GARRE1: variants seen among roughly 807,000 people sequenced by gnomAD.
GARRE1 encodes granule associated Rac and RHOG effector protein 1.
GARRE1 carries 49 observed loss-of-function variants against 103.2 expected under a neutral mutation model. The observed-to-expected ratio is 0.47, with a 90% CI of 0.38 to 0.60. GARRE1 has a LOEUF of 0.60. Ranked by LOEUF, GARRE1 falls within the 20% of genes least tolerant of loss-of-function variation. The probability of loss-of-function intolerance (pLI) is 0.00; values close to 1 mark genes in which losing one functional copy is unlikely to be tolerated. For synonymous variants in GARRE1, 505 were observed against 532.8 expected (o/e 0.95, Z 0.72); for missense variants, 1,199 against 1,370.5 (o/e 0.87, Z 1.98).
chr19:34,259,590 T>C (rs946511984), intron 1 of GARRE1, among the ~76,000 whole-genome samples: 1 of 152,176 alleles, frequency 6.6e-6, no homozygotes, highest in African/African-American at 2.4e-5. Context: ...TTCAGAGATC[T>C]TGCGTGTCTT....
intron 2 of GARRE1, among the ~76,000 whole-genome samples, chr19:34,301,844 G>A (rs1333510576): frequency 2.0e-5 from 3 of 151,280 alleles, no homozygotes; most frequent in Non-Finnish European, 2.9e-5. Flanking sequence ...CACCTCACCC[G>A]GCTAATTTTT....
At position 34,300,525 on chromosome 19, in the gene GARRE1, C is replaced by G; in HGVS notation, c.52C>G (p.Leu18Val). ...TAAAATGGACTACAAGCGGCGCTTC[C>G]TGCTTGGCGGGTCCAAGCAGAAGGT... is the stretch of plus-strand genomic sequence containing the variant. The part of the protein sequence containing the change: ...DSKMDYKRRF[L>V]LGGSKQKVQQ... The change falls in exon 2 of 14, where the codon CTG becomes GTG. Residue 18 changes from leucine (L) to valine (V), a missense_variant. By Grantham distance (32) the Leu-to-Val change is conservative (BLOSUM62 1). Coordinates refer to ENST00000299505, the MANE Select transcript of GARRE1 (RefSeq NM_014686.5). The G allele has an allele frequency of 6.2e-7, 1 of 1,613,190 alleles. No homozygotes were observed. Among genetic ancestry groups the G allele is most frequent in the Non-Finnish European group, 8.5e-7 (1 of 1,179,610 alleles).
intron 2 of GARRE1, among the ~76,000 whole-genome samples, chr19:34,305,858 C>T (rs2074005222): frequency 6.6e-6 from 1 of 152,148 alleles, no homozygotes; most frequent in South Asian, 2.1e-4. Flanking sequence ...TTTTTTTGTA[C>T]ATAATGGGCT....
chr19:34,282,483 G>C (rs185323281), intron 1 of GARRE1, among the ~76,000 whole-genome samples: 1 of 152,262 alleles, frequency 6.6e-6, no homozygotes, highest in African/African-American at 2.4e-5. Flanking sequence ...TTCCAACACT[G>C]TCTGAGGAAT....
At chr19:34,349,879 T>G (rs1599785150) in intron 12 of GARRE1, among the ~76,000 whole-genome samples, 1 of 149,736 alleles carries the variant, frequency 6.7e-6, no homozygotes, top group Admixed American at 6.7e-5. Flanking sequence ...AGTAGTGGGG[T>G]GGGGGGTGGC....
chr19:34,258,090 A>G (rs1030386053), intron 1 of GARRE1, among the ~76,000 whole-genome samples: 1 of 151,574 alleles, frequency 6.6e-6, no homozygotes, highest in Non-Finnish European at 1.5e-5. Flanking sequence ...GGGTTTCACC[A>G]TGTTGGCCAG....
chr19:34,317,154 C>G (rs2074063694), intron 2 of GARRE1, among the ~76,000 whole-genome samples: 1 of 152,226 alleles, frequency 6.6e-6, no homozygotes, highest in Admixed American at 6.5e-5. Context: ...CCTTGAGGAG[C>G]CTTTTCCTTC....
intron 3 of GARRE1, among the ~76,000 whole-genome samples, chr19:34,320,791 G>T (rs2074083786): frequency 6.6e-6 from 1 of 150,536 alleles, no homozygotes; most frequent in Non-Finnish European, 1.5e-5. Context: ...CTGCGATCAA[G>T]TCTCACTACA....
At chr19:34,286,414 T>A (rs1427834448) in intron 1 of GARRE1, among the ~76,000 whole-genome samples, 5 of 151,864 alleles carry the variant, frequency 3.3e-5, no homozygotes, top group Non-Finnish European at 7.4e-5. Context: ...AGAGACAGGG[T>A]TTCACCGTGT....
intron 1 of GARRE1, among the ~76,000 whole-genome samples, chr19:34,266,481 C>T (rs1187149951): frequency 6.6e-6 from 1 of 152,172 alleles, no homozygotes; most frequent in African/African-American, 2.4e-5. Flanking sequence ...CCTGCCTCAG[C>T]CTCCTGAGTA....
intron 1 of GARRE1, among the ~76,000 whole-genome samples, chr19:34,279,585 A>C (rs1345462318): frequency 6.6e-6 from 1 of 151,960 alleles, no homozygotes; most frequent in East Asian, 1.9e-4. Context: ...GTGGTATCTC[A>C]CTGTGGTTTT....
intron 1 of GARRE1, among the ~76,000 whole-genome samples, chr19:34,289,552 C>T (rs986438920): frequency 5.3e-5 from 8 of 151,750 alleles, no homozygotes; most frequent in Admixed American, 2.0e-4. Flanking sequence ...GGTGAAATCC[C>T]GTCTCCACTA....
chr19:34,311,093 A>C (rs1013668447), intron 2 of GARRE1, among the ~76,000 whole-genome samples: 1 of 152,072 alleles, frequency 6.6e-6, no homozygotes, highest in Admixed American at 6.5e-5. Flanking sequence ...CCTGGGCTCA[A>C]GCAATCCTCC....
At position 34,328,021 on chromosome 19, in the gene GARRE1, C is replaced by T. The variant is rs544261509; in HGVS notation, c.974C>T (p.Thr325Met). The T allele has an allele frequency of 4.4e-5, 71 of 1,614,140 alleles. 1 individual carries two copies. The South Asian group carries it at 5.4e-4, about 12-fold the overall frequency. The change falls in exon 6 of 14, where the codon ACG becomes ATG. Residue 325 changes from threonine to methionine, a missense_variant. By Grantham distance (81) the Thr-to-Met change is moderately conservative (BLOSUM62 -1). Transcript: ENST00000299505. ...GCCSEAEAQQ[T>M]GRRQTPPQPM... is the part of the protein sequence containing the mutation. ...TGCAGCGAGGCGGAAGCCCAGCAGA[C>T]GGGGCGGAGGCAGACACCCCCGCAG...
chr19:34,272,426 T>C (rs2073793399), intron 1 of GARRE1, among the ~76,000 whole-genome samples: 1 of 152,136 alleles, frequency 6.6e-6, no homozygotes, highest in African/African-American at 2.4e-5. Context: ...CTCAAACTCC[T>C]GACCTCAGGT....
chr19:34,267,305 C>G (rs1013300890), intron 1 of GARRE1, among the ~76,000 whole-genome samples: 14 of 152,276 alleles, frequency 9.2e-5, no homozygotes, highest in African/African-American at 3.4e-4. Context: ...CTGAAACCAT[C>G]CTCCTACCTC....
intron 2 of GARRE1, among the ~76,000 whole-genome samples, chr19:34,309,720 G>A (rs1599767126): frequency 6.6e-6 from 1 of 152,110 alleles, no homozygotes; most frequent in East Asian, 1.9e-4. Context: ...TTCCAAGTTT[G>A]CAAAAAGTGA....
intron 2 of GARRE1, among the ~76,000 whole-genome samples, chr19:34,311,487 C>T (rs1028599072): frequency 9.2e-5 from 14 of 152,024 alleles, no homozygotes; most frequent in African/African-American, 3.1e-4. Context: ...AGGAGCCTCG[C>T]ATGAGTGTGC....
chr19:34,316,777 A>G (rs2074062262), intron 2 of GARRE1, among the ~76,000 whole-genome samples: 4 of 152,210 alleles, frequency 2.6e-5, no homozygotes, highest in African/African-American at 9.7e-5. Context: ...CATCCTGGGT[A>G]GGAGAGGGAG....
Sources: gnomAD v4.1 joint callset for allele counts (sites outside exome capture counted in the v4.1 genomes callset) on GRCh38, gnomAD v4.1.1 for gene constraint, MANE v1.5 for transcripts, NCBI Gene and HGNC (gene_info 2026-07-23, HGNC 2026-07-21) for gene names.